Variants in ILDR2 observed in about 807,000 individuals in gnomAD.
ILDR2 encodes the protein immunoglobulin like domain containing receptor 2, also known as immunoglobulin-like domain-containing receptor 2.
Under a neutral mutation model 66.8 loss-of-function variants are expected in ILDR2, and 25 were observed. That is an observed-to-expected ratio of 0.37 (90% CI 0.27 to 0.52). The LOEUF is 0.52. ILDR2 is among the 20% of genes least tolerant of loss of function. ILDR2 has a pLI of 0.88. For synonymous variants in ILDR2, 367 were observed against 357.2 expected, an observed-to-expected ratio of 1.03 and a Z score of -0.31; for missense variants, 827 against 876.8, an observed-to-expected ratio of 0.94 and a Z score of 0.72.
chr1:166,961,069 G>C (rs1662583332), intron 1 of ILDR2, among the ~76,000 whole-genome samples: 1 of 152,128 alleles, frequency 6.6e-6, no homozygotes, highest in African/African-American at 2.4e-5. Context: ...TTCTGGCACT[G>C]CTTGGGAAAT....
intron 7 of ILDR2, among the ~76,000 whole-genome samples, chr1:166,923,471 G>A (rs1291560327): frequency 6.6e-6 from 1 of 152,212 alleles, no homozygotes; most frequent in African/African-American, 2.4e-5. Context: ...TGCTCAAGTA[G>A]CACCAAGCCT....
At chr1:166,929,781 A>T (rs544067594) in intron 6 of ILDR2, among the ~76,000 whole-genome samples, 1 of 152,348 alleles carries the variant, frequency 6.6e-6, no homozygotes, top group South Asian at 2.1e-4. Context: ...ATATTATAAG[A>T]GACTACAACA....
rs1372980320 is a variant in ILDR2, at chr1:166,913,634, A to G, written c.*5721T>C. On this transcript the variant is annotated 3_prime_UTR_variant, in exon 10 of 10. Transcript: ENST00000271417. ...CTTCTCACATTCCTTATTCCTCTATATCTGATCCCTCTTAGTTCTACCTAA... is the reference window on the plus strand; with the variant it reads ...CTTCTCACATTCCTTATTCCTCTATGTCTGATCCCTCTTAGTTCTACCTAA... 1.3e-5 allele frequency: 2 copies of G among 152,086 alleles called. No individual in the cohort carries two copies. Among genetic ancestry groups the G allele is most frequent in the Non-Finnish European group, 2.9e-5 (2 of 68,016 alleles). The allele number at this position is 152,086 out of a possible 1,614,324, so 9.4% of individuals were successfully genotyped here.
rs1198649046 is a variant in ILDR2, at chr1:166,911,724, C to G, written c.*7631G>C. On this transcript the variant is annotated 3_prime_UTR_variant, in exon 10 of 10. Coordinates refer to ENST00000271417, the MANE Select transcript of ILDR2 (RefSeq NM_199351.3). ...TGTAAATTTGAAAAAGAACTAAACT[C>G]CTAGAAATGAAATACATATTAATTA... is the stretch of plus-strand genomic sequence containing the variant. The G allele has an allele frequency of 2.0e-5, 3 of 149,214 alleles. No individual in the cohort carries two copies. Among genetic ancestry groups the G allele is most frequent in the African/African-American group, 7.3e-5 (3 of 40,844 alleles). The allele number at this position is 149,214 out of a possible 1,614,324, so 9.2% of individuals were successfully genotyped here.
chr1:166,919,837 AC>A (rs767060991), intron 9 of ILDR2, among the ~76,000 whole-genome samples: 1 of 152,190 alleles, frequency 6.6e-6, no homozygotes, highest in Non-Finnish European at 1.5e-5. Flanking sequence ...CATACTAAAC[AC>A]TAAAGAAAAC....
At position 166,913,551 on chromosome 1, in the gene ILDR2, T is replaced by C. The variant is rs1474081373; in HGVS notation, c.*5804A>G. 3 of 152,228 alleles carry C rather than the reference T, an allele frequency of 2.0e-5. No individual in the cohort carries two copies. Among genetic ancestry groups the C allele is most frequent in the East Asian group, 1.9e-4 (1 of 5,192 alleles). The allele number at this position is 152,228 out of a possible 1,614,324, so 9.4% of individuals were successfully genotyped here. A position where few individuals can be genotyped will look rare whatever the true frequency, so the allele number is the denominator to read the frequency against. ...GAAATGAGTCAGACTAGTTACTTCA[T>C]GGCCAGCCCCACCAAGAAACTCTAA... On this transcript the variant is annotated 3_prime_UTR_variant, in exon 10 of 10. Transcript: ENST00000271417.
chr1:166,955,184 T>C (rs1410121582), intron 3 of ILDR2, among the ~76,000 whole-genome samples: 1 of 152,230 alleles, frequency 6.6e-6, no homozygotes. Context: ...TCCTGCTGAA[T>C]ATCAGTCATA....
exon 3 of ILDR2, chr1:166,896,059 C>T (rs1659161694): frequency 6.6e-6 from 1 of 152,194 alleles, no homozygotes; most frequent in Non-Finnish European, 1.5e-5. Context: ...TCAGGGCAGA[C>T]AAGTGATGGG....
At chr1:166,926,597 T>C (rs886808387) in intron 7 of ILDR2, among the ~76,000 whole-genome samples, 1 of 151,842 alleles carries the variant, frequency 6.6e-6, no homozygotes, top group African/African-American at 2.4e-5. Context: ...TGGAAAAAAC[T>C]GATACTTAAG....
At chr1:166,972,791 T>A (rs1302381932) in intron 1 of ILDR2, among the ~76,000 whole-genome samples, 6 of 152,042 alleles carry the variant, frequency 3.9e-5, no homozygotes, top group Non-Finnish European at 7.4e-5. Flanking sequence ...TGAATGTGGT[T>A]TTTTTCCTGG....
intron 3 of ILDR2, among the ~76,000 whole-genome samples, chr1:166,944,397 C>G (rs1429270619): frequency 1.3e-5 from 2 of 152,160 alleles, no homozygotes; most frequent in African/African-American, 4.8e-5. Flanking sequence ...CACAGTCTAG[C>G]CCACACAGAA....
intron 1 of ILDR2, among the ~76,000 whole-genome samples, chr1:166,960,560 T>G (rs1159731640): frequency 6.6e-6 from 1 of 152,216 alleles, no homozygotes; most frequent in Non-Finnish European, 1.5e-5. Flanking sequence ...GGAGACTCAG[T>G]AGAAGAGCAC....
chr1:166,939,216 G>T lies in ILDR2; in HGVS notation c.556+298C>A, dbSNP rs74119516. On this transcript the variant is annotated intron_variant, in intron 4 of 9. Coordinates refer to ENST00000271417, the MANE Select transcript of ILDR2 (RefSeq NM_199351.3). Reference sequence around the variant, plus strand: ...CTATTAAAAATACTTTTAGGTATATGGGTACAGCTGAAATACTGAAATGGG... The same window carrying T: ...CTATTAAAAATACTTTTAGGTATATTGGTACAGCTGAAATACTGAAATGGG... Among the ~76,000 whole-genome samples the T allele has an allele frequency of 6.8e-3, 1,028 of 152,290 alleles. 9 individuals are homozygous for T. Among genetic ancestry groups the T allele is most frequent in the African/African-American group, 0.024 (987 of 41,544 alleles).
chr1:166,921,337 G>T lies in ILDR2; in HGVS notation c.1254C>A (p.Phe418Leu). The T allele has an allele frequency of 6.3e-7, 1 of 1,584,244 alleles. No homozygotes were observed. ...TGGAAACGGCCGGCACCCCCGTGGC[G>T]AAGTTCTTCCGCGACAGCATCTCCG... ...SKSEMLSRKN[F>L]ATGVPAVSMD... is the part of the protein sequence containing the mutation. Residue 418 changes from phenylalanine (F) to leucine (L), a missense_variant, in exon 9 of 10, where the codon TTC (phenylalanine) becomes TTA (leucine). Transcript: ENST00000271417. The surrounding 1 kb of genome is among the most constrained non-coding windows in gnomAD (Gnocchi z 5.3).
At position 166,921,450 on chromosome 1, in the gene ILDR2, AC is replaced by A; in HGVS notation, c.1212-72del. 7.5e-7 allele frequency: 1 copy of A among 1,326,546 alleles called. No individual in the cohort carries two copies. Among genetic ancestry groups the A allele is most frequent in the Non-Finnish European group, 1.0e-6 (1 of 982,544 alleles). The allele number at this position is 1,326,546 out of a possible 1,614,324, so 82.2% of individuals were successfully genotyped here. On this transcript the variant is annotated intron_variant, in intron 8 of 9. Coordinates refer to ENST00000271417, the MANE Select transcript of ILDR2 (RefSeq NM_199351.3). The surrounding 1 kb of genome is among the most constrained non-coding windows in gnomAD (Gnocchi z 5.3). ...AGCTCCAGGTAGGGCTCCCAAGAGC[AC>A]CCATCGTGTCCTGGGGCCACGCTCA...
chr1:166,964,524 T>G (rs952835196), intron 1 of ILDR2, among the ~76,000 whole-genome samples: 2 of 152,178 alleles, frequency 1.3e-5, no homozygotes, highest in Non-Finnish European at 2.9e-5. Flanking sequence ...TGGAATGAAT[T>G]AATGAATGAA....
At chr1:166,944,955 G>A (rs879392317) in intron 3 of ILDR2, among the ~76,000 whole-genome samples, 19 of 152,140 alleles carry the variant, frequency 1.2e-4, no homozygotes, top group Admixed American at 3.9e-4. Flanking sequence ...GAAGCCCAGC[G>A]TGAGGAGGCA....
chr1:166,935,164 G>T, intron 6 of ILDR2, 137 bp downstream of exon 6: 2 of 866,762 alleles, frequency 2.3e-6, no homozygotes, highest in Non-Finnish European at 3.7e-6. Flanking sequence ...ATCTGACATA[G>T]CTGGAAGGAT....
At chr1:166,971,799 C>T (rs1020554120) in intron 1 of ILDR2, among the ~76,000 whole-genome samples, 1 of 152,174 alleles carries the variant, frequency 6.6e-6, no homozygotes, top group Non-Finnish European at 1.5e-5. Context: ...ACTGACAACG[C>T]TTTGAGGGCA....
Sources: allele counts gnomAD v4.1 joint callset (sites outside exome capture counted in the v4.1 genomes callset), GRCh38; gene constraint gnomAD v4.1.1; non-coding constraint Gnocchi (gnomAD v3.1); transcripts MANE v1.5; gene names NCBI Gene and HGNC (gene_info 2026-07-23, HGNC 2026-07-21).